The following LRRC4C variants were observed in gnomAD, a reference collection of about 807,000 sequenced individuals.
The protein encoded by LRRC4C is leucine-rich repeat-containing protein 4C.
Under a neutral mutation model 33.6 loss-of-function variants are expected in LRRC4C, and 5 were observed. That is an observed-to-expected ratio of 0.15 (90% confidence interval 0.08 to 0.31). The LOEUF is 0.31. LRRC4C is among the 10% of genes least tolerant of loss of function. LRRC4C has a pLI of 1.00. For missense variants in LRRC4C, 560 were observed against 796.7 expected (o/e 0.70, Z 3.58); for synonymous variants, 329 against 302.0 (o/e 1.09, Z -0.93).
At chr11:41,318,176 A>G (rs935645304) in intron 1 of LRRC4C, among the ~76,000 whole-genome samples, 2 of 152,234 alleles carry the variant, frequency 1.3e-5, no homozygotes, top group Non-Finnish European at 2.9e-5. Context: ...AGAATGATCA[A>G]TGAGAACAGG....
chr11:40,394,585 G>A (rs190795239), intron 3 of LRRC4C, among the ~76,000 whole-genome samples: 1 of 152,260 alleles, frequency 6.6e-6, no homozygotes, highest in African/African-American at 2.4e-5. Flanking sequence ...CAAAGTGACT[G>A]TGATCCCCTT....
intron 2 of LRRC4C, among the ~76,000 whole-genome samples, chr11:40,743,761 A>G (rs1001655075): frequency 4.6e-5 from 7 of 152,116 alleles, no homozygotes; most frequent in African/African-American, 1.4e-4. Context: ...CAGTATGAAA[A>G]TATGACCTTC....
At chr11:40,674,224 C>G in intron 2 of LRRC4C, among the ~76,000 whole-genome samples, 1 of 151,182 alleles carries the variant, frequency 6.6e-6, no homozygotes, top group East Asian at 1.9e-4. Context: ...TGATGTGAGA[C>G]TAGACTAAAT....
intron 1 of LRRC4C, among the ~76,000 whole-genome samples, chr11:41,002,510 T>C (rs943236823): frequency 2.0e-5 from 3 of 152,188 alleles, no homozygotes; most frequent in African/African-American, 7.2e-5. Context: ...TGTCCCACAC[T>C]TGTATCTCTG....
chr11:40,741,605 T>G (rs1379293714), intron 2 of LRRC4C, among the ~76,000 whole-genome samples: 1 of 152,096 alleles, frequency 6.6e-6, no homozygotes, highest in Non-Finnish European at 1.5e-5. Context: ...CTTACAGCAC[T>G]ACTCATTGAT....
intron 1 of LRRC4C, among the ~76,000 whole-genome samples, chr11:41,246,102 G>A (rs1948441125): frequency 1.3e-5 from 2 of 152,198 alleles, no homozygotes; most frequent in Admixed American, 6.5e-5. Flanking sequence ...TTACCCCCTG[G>A]AGCCTGTCAC....
chr11:40,178,852 A>G (rs775226935), intron 5 of LRRC4C, among the ~76,000 whole-genome samples: 1 of 152,166 alleles, frequency 6.6e-6, no homozygotes, highest in South Asian at 2.1e-4. Context: ...CCTGGCTACC[A>G]GTAGCCTTTC....
intron 3 of LRRC4C, among the ~76,000 whole-genome samples, chr11:40,356,522 G>T (rs1036605081): frequency 1.3e-5 from 2 of 152,194 alleles, no homozygotes; most frequent in Non-Finnish European, 2.9e-5. Flanking sequence ...GGGTAGAACT[G>T]GGACTTAAGC....
intron 1 of LRRC4C, among the ~76,000 whole-genome samples, chr11:41,319,524 G>A (rs1950893491): frequency 6.6e-6 from 1 of 152,052 alleles, no homozygotes; most frequent in Non-Finnish European, 1.5e-5. Flanking sequence ...TGCCAACTAA[G>A]GTTTTGTTTG....
chr11:40,615,445 G>T (rs1012014746), intron 3 of LRRC4C, among the ~76,000 whole-genome samples: 1 of 151,044 alleles, frequency 6.6e-6, no homozygotes, highest in Admixed American at 6.6e-5. Context: ...ATAAATATTT[G>T]GTCAGAAATG....
chr11:40,333,524 A>G (rs1294615937), intron 3 of LRRC4C, among the ~76,000 whole-genome samples: 3 of 151,728 alleles, frequency 2.0e-5, no homozygotes, highest in Admixed American at 6.6e-5. Flanking sequence ...CGAGACCAGC[A>G]TGGCCAACAT....
intron 1 of LRRC4C, among the ~76,000 whole-genome samples, chr11:41,125,870 G>T (rs114045643): frequency 2.2e-4 from 34 of 152,246 alleles, no homozygotes; most frequent in African/African-American, 7.2e-4. Flanking sequence ...TTGAATAATA[G>T]AAAATATGCC....
intron 2 of LRRC4C, among the ~76,000 whole-genome samples, chr11:40,758,376 G>T (rs1242213743): frequency 6.6e-6 from 1 of 151,960 alleles, no homozygotes; most frequent in Admixed American, 6.6e-5. Context: ...TATGTGCATG[G>T]TAATTAGGGC....
At chr11:41,458,547 G>C (rs893274016) in intron 1 of LRRC4C, among the ~76,000 whole-genome samples, 7 of 139,124 alleles carry the variant, frequency 5.0e-5, no homozygotes, top group East Asian at 2.5e-4. Context: ...AGCGTGGTGG[G>C]GGGGAGGGGG....
At chr11:41,387,212 T>A (rs78914155) in intron 1 of LRRC4C, among the ~76,000 whole-genome samples, 2 of 147,532 alleles carry the variant, frequency 1.4e-5, no homozygotes, top group Non-Finnish European at 3.0e-5. Context: ...AACTTTTTTT[T>A]AAAGGGAAGT....
intron 1 of LRRC4C, among the ~76,000 whole-genome samples, chr11:41,180,372 T>A (rs1352125478): frequency 6.6e-6 from 1 of 152,110 alleles, no homozygotes; most frequent in Non-Finnish European, 1.5e-5. Context: ...TTTTAGCAGC[T>A]GTGCAAAAAA....
At chr11:41,333,070 A>G (rs2137390928) in intron 1 of LRRC4C, among the ~76,000 whole-genome samples, 1 of 152,330 alleles carries the variant, frequency 6.6e-6, no homozygotes, top group South Asian at 2.1e-4. Flanking sequence ...TTGAAGGGGA[A>G]ACACTTGAAA....
At chr11:40,179,918 T>C (rs1370165495) in intron 5 of LRRC4C, among the ~76,000 whole-genome samples, 1 of 152,216 alleles carries the variant, frequency 6.6e-6, no homozygotes, top group African/African-American at 2.4e-5. Flanking sequence ...CGTGTGTGTG[T>C]GTCCAAACAT....
intron 1 of LRRC4C, among the ~76,000 whole-genome samples, chr11:41,153,980 A>C (rs1348830844): frequency 6.6e-6 from 1 of 151,914 alleles, no homozygotes; most frequent in Non-Finnish European, 1.5e-5. Context: ...GCCACAAGTC[A>C]AGCAACGTAG....
Sources: allele counts gnomAD v4.1 joint callset (sites outside exome capture counted in the v4.1 genomes callset), GRCh38; gene constraint gnomAD v4.1.1; transcripts MANE v1.5; gene names NCBI Gene and HGNC (gene_info 2026-07-23, HGNC 2026-07-21).